The following RET variants were observed in gnomAD, a reference collection of about 807,000 sequenced individuals.
RET encodes ret proto-oncogene.
Under a neutral mutation model 118.3 loss-of-function variants are expected in RET, and 19 were observed. That is an observed-to-expected ratio of 0.16 (90% confidence interval 0.11 to 0.24). The LOEUF (loss-of-function observed/expected upper bound fraction) is 0.24. Ranked by LOEUF, RET falls within the 10% of genes least tolerant of loss-of-function variation. The probability of loss-of-function intolerance (pLI) is 1.00; values close to 1 mark genes in which losing one functional copy is unlikely to be tolerated. For synonymous variants in RET, 597 were observed against 644.1 expected (o/e 0.93, Z 1.11); for missense variants, 1,219 against 1,502.1 (o/e 0.81, Z 3.12).
At chr10:43,083,467 T>G (rs2506019) in intron 1 of RET, among the ~76,000 whole-genome samples, 55,875 of 152,176 alleles carry the variant, frequency 0.37, 10,486 homozygotes, top group South Asian at 0.42. Context: ...CTCCCAGCCC[T>G]TGTGCCTGGC....
intron 9 of RET, among the ~76,000 whole-genome samples, chr10:43,113,313 T>C (rs1478840228): frequency 1.3e-5 from 2 of 152,200 alleles, no homozygotes; most frequent in African/African-American, 4.8e-5. Context: ...GCTCCAGTTT[T>C]GGAGGCAGAG....
intron 14 of RET, 34 bp downstream of exon 14, chr10:43,119,779 C>T (rs1041707733): frequency 7.5e-6 from 12 of 1,604,522 alleles, no homozygotes; most frequent in Admixed American, 3.3e-5. Context: ...CAGCCAGCCC[C>T]GGCCAGGCCA....
intron 1 of RET, among the ~76,000 whole-genome samples, chr10:43,079,876 C>T (rs922912393): frequency 6.6e-6 from 1 of 152,188 alleles, no homozygotes; most frequent in Non-Finnish European, 1.5e-5. Flanking sequence ...TTTTCCTTCT[C>T]CCCTTTCTCT....
intron 13 of RET, among the ~76,000 whole-genome samples, chr10:43,119,291 G>A (rs947529134): frequency 2.6e-5 from 4 of 152,326 alleles, no homozygotes; most frequent in Middle Eastern, 3.4e-3. Flanking sequence ...CAGGCACCTC[G>A]AGAAGGAGGC....
chr10:43,118,010 G>A (rs935076423), intron 12 of RET, among the ~76,000 whole-genome samples: 6 of 152,204 alleles, frequency 3.9e-5, no homozygotes, highest in Non-Finnish European at 7.3e-5. Context: ...CGACAAGTGG[G>A]TGTGTGGGTA....
intron 1 of RET, among the ~76,000 whole-genome samples, chr10:43,083,908 A>G (rs1837238506): frequency 6.6e-6 from 1 of 152,250 alleles, no homozygotes; most frequent in African/African-American, 2.4e-5. Flanking sequence ...ATCACCCCAA[A>G]AGGAAACCCC....
intron 3 of RET, among the ~76,000 whole-genome samples, chr10:43,103,325 G>A (rs577298517): frequency 6.6e-6 from 1 of 152,294 alleles, no homozygotes; most frequent in African/African-American, 2.4e-5. Flanking sequence ...GTTCAGGGGC[G>A]AAGCTGGGAG....
chr10:43,081,101 C>A (rs956514995), intron 1 of RET, among the ~76,000 whole-genome samples: 1 of 151,994 alleles, frequency 6.6e-6, no homozygotes, highest in South Asian at 2.1e-4. Context: ...CAGGGTGCAG[C>A]CCCCCATGCT....
At chr10:43,103,057 AG>A (rs1488555903) in intron 3 of RET, among the ~76,000 whole-genome samples, 1 of 152,192 alleles carries the variant, frequency 6.6e-6, no homozygotes. Flanking sequence ...CCGGGTAGGC[AG>A]GCCTAGCCCC....
intron 1 of RET, among the ~76,000 whole-genome samples, chr10:43,094,167 A>G (rs1340209689): frequency 6.6e-6 from 1 of 151,922 alleles, no homozygotes; most frequent in Non-Finnish European, 1.5e-5. Flanking sequence ...AGGGACCCCC[A>G]TAGGGACAGC....
intron 1 of RET, among the ~76,000 whole-genome samples, chr10:43,080,907 A>G (rs564535735): frequency 1.1e-4 from 17 of 152,334 alleles, no homozygotes; most frequent in African/African-American, 3.6e-4. Context: ...TGCAGCCAAC[A>G]TATGCCTGAG....
chr10:43,099,896 G>A (rs913379085), intron 1 of RET, among the ~76,000 whole-genome samples: 2 of 152,234 alleles, frequency 1.3e-5, no homozygotes, highest in African/African-American at 4.8e-5. Flanking sequence ...TGGCATGGCT[G>A]GACCACGGTG....
intron 12 of RET, among the ~76,000 whole-genome samples, chr10:43,117,534 G>T (rs1458384668): frequency 6.6e-6 from 1 of 152,232 alleles, no homozygotes; most frequent in East Asian, 1.9e-4. Flanking sequence ...AGAGGAGGTG[G>T]CACGGCACAG....
rs201972250 is a variant in RET, at chr10:43,112,885, A to C, written c.1681A>C (p.Ser561Arg). The change falls in exon 9 of 20, where the codon AGC becomes CGC. Residue 561 changes from serine (S) to arginine (R), a missense_variant. Ser to Arg is a moderately radical substitution (Grantham distance 110). Around this residue, in one of 5 missense-constraint regions of RET, gnomAD observed 850 missense variants for 969.6 expected, o/e 0.88. Coordinates refer to ENST00000355710, the MANE Select transcript of RET (RefSeq NM_020975.6). ...CAGGAACTTCTCCACCTGCTCTCCC[A>C]GCACCAAGACCTGCCCCGACGGCCA... ...ITRNFSTCSPSTKTCPDGHCD... is the reference protein window; with the variant it reads ...ITRNFSTCSPRTKTCPDGHCD... 8 of 1,614,134 alleles carry C rather than the reference A, an allele frequency of 5.0e-6. No homozygotes were observed. Among genetic ancestry groups the C allele is most frequent in the Non-Finnish European group, 6.8e-6 (8 of 1,179,992 alleles).
chr10:43,124,663 A>G (rs1331772855), intron 17 of RET, among the ~76,000 whole-genome samples: 3 of 152,234 alleles, frequency 2.0e-5, no homozygotes, highest in African/African-American at 7.2e-5. Flanking sequence ...CACAGCTCTG[A>G]GAGACCTGAG....
intron 1 of RET, among the ~76,000 whole-genome samples, chr10:43,099,529 T>TAAAA (rs1183631714): frequency 3.3e-5 from 5 of 150,574 alleles, no homozygotes; most frequent in African/African-American, 4.9e-5. Context: ...AATAAATAAA[T>TAAAA]AAATAAATAA....
chr10:43,077,587 G>T (rs1249882693), intron 1 of RET, among the ~76,000 whole-genome samples: 1 of 151,520 alleles, frequency 6.6e-6, no homozygotes, highest in Non-Finnish European at 1.5e-5. Flanking sequence ...GGCCGCGGGG[G>T]TCGGTGCTCA....
At chr10:43,094,192 G>A (rs556805671) in intron 1 of RET, among the ~76,000 whole-genome samples, 5 of 151,964 alleles carry the variant, frequency 3.3e-5, no homozygotes, top group African/African-American at 4.8e-5. Flanking sequence ...CTGGGGAGGC[G>A]GGGACCGCCT....
Position 43,128,769 on chromosome 10 carries a change from C to T in RET, c.*500C>T, listed in dbSNP as rs564665995. 2.4e-4 allele frequency: 67 copies of T among 283,630 alleles called. No homozygotes were observed. In the South Asian group the frequency reaches 4.7e-3, roughly 20 times the overall value. 17.6% of individuals were successfully genotyped at this position (283,630 alleles called of 1,614,324 possible). ...TCAGAATGAGAGACTGCGGGGGGGG[C>T]CTGGGGGTAGTGTCAATGCCCCTCC... On this transcript the variant is annotated 3_prime_UTR_variant, in exon 20 of 20. Coordinates refer to ENST00000355710, the MANE Select transcript of RET (RefSeq NM_020975.6).
Sources: gnomAD v4.1 joint callset for allele counts (sites outside exome capture counted in the v4.1 genomes callset) on GRCh38, gnomAD v4.1.1 for gene constraint, gnomAD v4.1.1 regional missense constraint, MANE v1.5 for transcripts, NCBI Gene and HGNC (gene_info 2026-07-23, HGNC 2026-07-21) for gene names.